Variants in JARID2 observed in about 807,000 individuals in gnomAD.
The protein encoded by JARID2 is protein Jumonji.
JARID2 carries 21 observed loss-of-function variants against 125.6 expected under a neutral mutation model. The observed-to-expected ratio is 0.17, with a 90% CI of 0.12 to 0.24. The LOEUF is 0.24. Among genes scored for constraint, JARID2 ranks in the 10% least tolerant of loss-of-function variants. The probability of loss-of-function intolerance (pLI) is 1.00; values close to 1 mark genes in which losing one functional copy is unlikely to be tolerated. For synonymous variants in JARID2, 736 were observed against 661.6 expected, an observed-to-expected ratio of 1.11 and a Z score of -1.73; for missense variants, 1,303 against 1,639.6, an observed-to-expected ratio of 0.79 and a Z score of 3.55.
intron 2 of JARID2, among the ~76,000 whole-genome samples, chr6:15,392,196 C>T (rs1765045587): frequency 6.6e-6 from 1 of 152,028 alleles, no homozygotes; most frequent in Non-Finnish European, 1.5e-5. Context: ...GTTAAGGTGG[C>T]CTAAAACCAT....
At chr6:15,339,637 G>T (rs1463093974) in intron 1 of JARID2, among the ~76,000 whole-genome samples, 1 of 150,350 alleles carries the variant, frequency 6.7e-6, no homozygotes, top group African/African-American at 2.4e-5. Context: ...CTGGGTTCAA[G>T]CGATTCTCCT....
At chr6:15,350,633 TC>T (rs1763390189) in intron 1 of JARID2, among the ~76,000 whole-genome samples, 1 of 152,040 alleles carries the variant, frequency 6.6e-6, no homozygotes, top group South Asian at 2.1e-4. Flanking sequence ...CCTCATCACT[TC>T]CTTATAGTCA....
At chr6:15,386,253 T>A (rs1444772716) in intron 2 of JARID2, among the ~76,000 whole-genome samples, 2 of 133,586 alleles carry the variant, frequency 1.5e-5, no homozygotes, top group Non-Finnish European at 3.2e-5. Context: ...CCTCTCCCTC[T>A]CCCTGTTCTT....
At chr6:15,390,668 GTGTGCTC>G (rs1304245446) in intron 2 of JARID2, among the ~76,000 whole-genome samples, 1 of 152,166 alleles carries the variant, frequency 6.6e-6, no homozygotes. Context: ...GCCTTCTCAT[GTGTGCTC>G]TGTAAAACTG....
chr6:15,510,061 G>A (rs774514502), intron 12 of JARID2, among the ~76,000 whole-genome samples: 38 of 152,158 alleles, frequency 2.5e-4, no homozygotes, highest in Non-Finnish European at 2.8e-4. Context: ...AGAGAGAAAT[G>A]CTTTCATCAC....
At chr6:15,352,261 T>A (rs1359690559) in intron 1 of JARID2, among the ~76,000 whole-genome samples, 2 of 152,164 alleles carry the variant, frequency 1.3e-5, no homozygotes, top group East Asian at 1.9e-4. Flanking sequence ...CCTGAAAGAC[T>A]ATAATTTTAA....
At chr6:15,511,989 GTCA>G (rs1272913204) in intron 13 of JARID2, among the ~76,000 whole-genome samples, 1 of 152,222 alleles carries the variant, frequency 6.6e-6, no homozygotes, top group Non-Finnish European at 1.5e-5. Flanking sequence ...GGCCTGTGTG[GTCA>G]TCATGTCCTC....
intron 16 of JARID2, 75 bp downstream of exon 16, chr6:15,513,497 A>AGGGAGGGCGCTCTCTGCCC (rs1771381436): frequency 7.2e-7 from 1 of 1,395,608 alleles, no homozygotes; most frequent in South Asian, 1.4e-5. Context: ...CCCCCAGAAG[A>AGGGAGGGCGCTCTCTGCCC]GGGAGGGCGC....
At chr6:15,481,952 C>G (rs1185362164) in intron 5 of JARID2, among the ~76,000 whole-genome samples, 1 of 152,156 alleles carries the variant, frequency 6.6e-6, no homozygotes, top group African/African-American at 2.4e-5. Context: ...TCCTATAATC[C>G]TGGTACTCAC....
Position 15,374,172 on chromosome 6 carries a change from A to G in JARID2, c.101A>G (p.Tyr34Cys). ...SEERVVRKVL[Y>C]LSLKEFKNSQ... ...GAACGGGTGGTACGTAAAGTCCTTT[A>G]TTTGTCTCTGAAGGAGTTCAAGAAT... The change falls in exon 2 of 18, where the codon TAT (tyrosine) becomes TGT (cysteine). Residue 34 changes from tyrosine to cysteine, a missense_variant. This residue lies in a region of JARID2 where 93 missense variants were observed against 120.4 expected (regional missense o/e 0.77). Coordinates refer to ENST00000341776, the MANE Select transcript of JARID2 (RefSeq NM_004973.4). 6.2e-7 allele frequency: 1 copy of G among 1,614,112 alleles called. No individual in the cohort carries two copies. The highest frequency in any genetic ancestry group is 8.5e-7 in the Non-Finnish European group (1 of 1,179,962).
chr6:15,519,032 G>C (rs1229479689), intron 17 of JARID2, among the ~76,000 whole-genome samples: 1 of 152,196 alleles, frequency 6.6e-6, no homozygotes, highest in African/African-American at 2.4e-5. Flanking sequence ...TCTGGCCCTT[G>C]CAGGCTGGCT....
chr6:15,330,440 G>T (rs1762671017), intron 1 of JARID2, among the ~76,000 whole-genome samples: 1 of 152,210 alleles, frequency 6.6e-6, no homozygotes, highest in Non-Finnish European at 1.5e-5. Context: ...CACATTACCG[G>T]AGGAAGTATG....
intron 1 of JARID2, among the ~76,000 whole-genome samples, chr6:15,311,212 A>G (rs1002922968): frequency 3.9e-5 from 6 of 152,174 alleles, no homozygotes; most frequent in Non-Finnish European, 8.8e-5. Context: ...AGCAGTGCCC[A>G]TCACCAGCCT....
intron 1 of JARID2, among the ~76,000 whole-genome samples, chr6:15,367,783 T>C (rs971148570): frequency 6.6e-6 from 1 of 152,234 alleles, no homozygotes. Flanking sequence ...GGTGCTGAGC[T>C]CACTGCCCAA....
Position 15,468,684 on chromosome 6 carries a change from A to G in JARID2, c.636A>G (p.Lys212=), listed in dbSNP as rs1348550889. The G allele has an allele frequency of 6.2e-7, 1 of 1,613,786 alleles. No individual in the cohort carries two copies. The highest frequency in any genetic ancestry group is 8.5e-7 in the Non-Finnish European group (1 of 1,179,896). Residue 212 remains lysine (K), a synonymous_variant, in exon 5 of 18, where the codon AAA becomes AAG. Coordinates refer to ENST00000341776, the MANE Select transcript of JARID2 (RefSeq NM_004973.4). Reference sequence around the variant, plus strand: ...CTTCATGCCAGTCGACCCCCAGGAAAGGAAAAACCCACAAACATGTTCACA... The same window carrying G: ...CTTCATGCCAGTCGACCCCCAGGAAGGGAAAAACCCACAAACATGTTCACA... ...ASSSCQSTPR[K]GKTHKHVHNG...
chr6:15,316,645 G>C (rs1288290611), intron 1 of JARID2, among the ~76,000 whole-genome samples: 4 of 152,060 alleles, frequency 2.6e-5, no homozygotes, highest in Admixed American at 6.6e-5. Flanking sequence ...TGGGATTACA[G>C]GCACCCACCA....
rs1436685310 is a variant in JARID2, at chr6:15,496,941, C to T, written c.1716C>T (p.Ile572=). ...CCAAGGAGTTCCACGATCCGCTCAT[C>T]TACATCGAGTCGGTCCGCGCTCAGG... ...PSAKEFHDPL[I]YIESVRAQVE... The change falls in exon 7 of 18, where the codon ATC becomes ATT. Residue 572 remains isoleucine, a synonymous_variant. Coordinates refer to ENST00000341776, the MANE Select transcript of JARID2 (RefSeq NM_004973.4). 1 of 1,606,658 alleles carries T rather than the reference C, an allele frequency of 6.2e-7. No homozygotes were observed. Among genetic ancestry groups the T allele is most frequent in the East Asian group, 2.2e-5 (1 of 44,672 alleles).
rs2025252 is a variant in JARID2 at position 15,296,363 on chromosome 6, G to A, written c.45+49779G>A. On this transcript the variant is annotated intron_variant, in intron 1 of 17. Transcript: ENST00000341776. ...AACACGATATTCTCTGCATCTCTCA[G>A]AGCTCCTGGTGGCATTTATCTTCCT... 4.4e-3 allele frequency among the ~76,000 whole-genome samples: 673 copies of A among 152,280 alleles called. 1 individual carries two copies. The highest frequency in any genetic ancestry group is 0.01 in the Middle Eastern group (3 of 294).
chr6:15,398,889 C>T (rs1765315217), intron 2 of JARID2, among the ~76,000 whole-genome samples: 1 of 152,162 alleles, frequency 6.6e-6, no homozygotes, highest in African/African-American at 2.4e-5. Context: ...CTGTTTATGT[C>T]TCGGCGTTTC....
Sources: allele counts gnomAD v4.1 joint callset (sites outside exome capture counted in the v4.1 genomes callset), GRCh38; gene constraint gnomAD v4.1.1; regional missense constraint gnomAD v4.1.1; transcripts MANE v1.5; gene names NCBI Gene and HGNC (gene_info 2026-07-23, HGNC 2026-07-21).